Variants in ANO6 observed in about 807,000 individuals in gnomAD.
ANO6 encodes the protein anoctamin-6.
A neutral mutation model predicts 117.5 loss-of-function variants in ANO6; 106 were observed. That is an observed-to-expected ratio of 0.90 (90% CI 0.77 to 1.06). ANO6 has a LOEUF of 1.06. ANO6 is among the 50% of genes least tolerant of loss of function. The probability of loss-of-function intolerance (pLI) is 0.00; values close to 1 mark genes in which losing one functional copy is unlikely to be tolerated. For missense variants in ANO6, 955 were observed against 1,121.1 expected, an observed-to-expected ratio of 0.85 and a Z score of 2.12; for synonymous variants, 367 against 385.1, an observed-to-expected ratio of 0.95 and a Z score of 0.55.
intron 3 of ANO6, among the ~76,000 whole-genome samples, chr12:45,346,353 C>T (rs1198343848): frequency 6.6e-6 from 1 of 152,174 alleles, no homozygotes; most frequent in Non-Finnish European, 1.5e-5. Flanking sequence ...AAAGCCTAGG[C>T]ATCTAGAATT....
intron 19 of ANO6, among the ~76,000 whole-genome samples, chr12:45,426,464 A>C (rs1188602685): frequency 6.6e-6 from 1 of 152,074 alleles, no homozygotes; most frequent in Non-Finnish European, 1.5e-5. Flanking sequence ...TTGCCAGTAC[A>C]TGCTGTCCTC....
intron 8 of ANO6, among the ~76,000 whole-genome samples, chr12:45,362,138 T>C (rs1316605420): frequency 6.6e-6 from 1 of 151,972 alleles, no homozygotes; most frequent in Non-Finnish European, 1.5e-5. Context: ...GCAGGAATTA[T>C]TTTTTTTCTG....
At chr12:45,221,499 T>C (rs1947398360) in intron 1 of ANO6, among the ~76,000 whole-genome samples, 2 of 152,140 alleles carry the variant, frequency 1.3e-5, no homozygotes, top group Admixed American at 1.3e-4. Context: ...CCATACACTT[T>C]AAGGATTTTG....
intron 10 of ANO6, among the ~76,000 whole-genome samples, chr12:45,385,758 C>A (rs932515025): frequency 1.3e-5 from 2 of 152,182 alleles, no homozygotes; most frequent in Non-Finnish European, 2.9e-5. Flanking sequence ...TTCTCAGTAG[C>A]CATCACCCTC....
At chr12:45,386,496 C>T (rs971184415) in intron 10 of ANO6, among the ~76,000 whole-genome samples, 3 of 113,338 alleles carry the variant, frequency 2.6e-5, no homozygotes, top group African/African-American at 1.1e-4. Context: ...TTCTGTCATA[C>T]CTGCATCCAT....
At chr12:45,311,382 G>C (rs945161800) in intron 2 of ANO6, among the ~76,000 whole-genome samples, 6 of 152,012 alleles carry the variant, frequency 3.9e-5, no homozygotes, top group Non-Finnish European at 2.9e-5. Context: ...AATGTCAAAA[G>C]GTTAATGAAA....
intron 1 of ANO6, among the ~76,000 whole-genome samples, chr12:45,300,773 T>G (rs1244817259): frequency 6.6e-6 from 1 of 152,224 alleles, no homozygotes; most frequent in Non-Finnish European, 1.5e-5. Context: ...CAGAACATTT[T>G]CTTACATAGC....
At chr12:45,249,153 A>G (rs1947866774) in intron 1 of ANO6, among the ~76,000 whole-genome samples, 1 of 152,224 alleles carries the variant, frequency 6.6e-6, no homozygotes, top group African/African-American at 2.4e-5. Flanking sequence ...CTGCTGTAAT[A>G]TCCTGGGCCT....
At chr12:45,371,399 C>G (rs975737281) in intron 9 of ANO6, among the ~76,000 whole-genome samples, 10 of 152,228 alleles carry the variant, frequency 6.6e-5, no homozygotes, top group African/African-American at 1.4e-4. Context: ...GGCTCCACCT[C>G]TGGGGGCAGG....
intron 1 of ANO6, among the ~76,000 whole-genome samples, chr12:45,268,350 A>G (rs374694441): frequency 6.6e-6 from 1 of 152,018 alleles, no homozygotes; most frequent in African/African-American, 2.4e-5. Flanking sequence ...GTGAAACCCC[A>G]TCTCTACAAA....
At chr12:45,414,413 C>T (rs1187849528) in intron 16 of ANO6, among the ~76,000 whole-genome samples, 3 of 151,966 alleles carry the variant, frequency 2.0e-5, no homozygotes, top group Admixed American at 2.0e-4. Flanking sequence ...TTTAATCCAT[C>T]TGGAATTTAT....
intron 9 of ANO6, among the ~76,000 whole-genome samples, chr12:45,371,078 C>T (rs1024216509): frequency 1.1e-4 from 16 of 152,190 alleles, no homozygotes; most frequent in African/African-American, 2.9e-4. Flanking sequence ...GTTCCCTTTC[C>T]TAGTCAAAGA....
intron 8 of ANO6, among the ~76,000 whole-genome samples, chr12:45,363,118 T>C (rs946555132): frequency 2.0e-5 from 3 of 152,072 alleles, no homozygotes; most frequent in African/African-American, 7.2e-5. Flanking sequence ...AGATTTCAGA[T>C]TTTTTTCAGA....
rs1173340840 is a variant in ANO6, at chr12:45,357,288, A to G, written c.864-2A>G. The G allele has an allele frequency of 1.2e-6, 2 of 1,613,636 alleles. No homozygotes were observed. The highest frequency in any genetic ancestry group is 1.7e-6 in the Non-Finnish European group (2 of 1,179,928). ...CTAAAAATAATTTCTGTCTTTCTTC[A>G]GGAAATACTATGGAGAGAAGATTGG... On this transcript the variant is annotated splice_acceptor_variant, in intron 7 of 19. Coordinates refer to ENST00000320560, the MANE Select transcript of ANO6 (RefSeq NM_001025356.3). LOFTEE classifies it high-confidence loss of function.
At position 45,430,530 on chromosome 12, in the gene ANO6, G is replaced by C; in HGVS notation, c.*1219G>C. The C allele has an allele frequency of 1.0e-6, 1 of 985,420 alleles. No homozygotes were observed. Among genetic ancestry groups the C allele is most frequent in the African/African-American group, 1.7e-5 (1 of 57,352 alleles). The allele number at this position is 985,420 out of a possible 1,614,324, so 61.0% of individuals were successfully genotyped here. A position where few individuals can be genotyped will look rare whatever the true frequency, so the allele number is the denominator to read the frequency against. ...CTGGGCCCAGTAATTTGATGTAACT[G>C]TCTGATTGTACTAGAGACAGGAGTA... On this transcript the variant is annotated 3_prime_UTR_variant, in exon 20 of 20. Transcript: ENST00000320560.
At chr12:45,333,655 A>G (rs544175070) in intron 3 of ANO6, among the ~76,000 whole-genome samples, 1 of 152,120 alleles carries the variant, frequency 6.6e-6, no homozygotes, top group Admixed American at 6.6e-5. Flanking sequence ...CTTGATGTTC[A>G]TTTTTATAAG....
chr12:45,382,335 A>G (rs1001082355), intron 10 of ANO6, among the ~76,000 whole-genome samples: 3 of 152,234 alleles, frequency 2.0e-5, no homozygotes, highest in Non-Finnish European at 4.4e-5. Flanking sequence ...TAACAGGCTT[A>G]TAAGTACCAG....
At chr12:45,308,303 G>A (rs1939742874) in intron 2 of ANO6, among the ~76,000 whole-genome samples, 1 of 151,986 alleles carries the variant, frequency 6.6e-6, no homozygotes, top group African/African-American at 2.4e-5. Flanking sequence ...TGTAGGGACT[G>A]TTCCTTCTTA....
At position 45,317,691 on chromosome 12, in the gene ANO6, C is replaced by T. The variant is rs988736795; in HGVS notation, c.151-13604C>T. 3.8e-4 allele frequency among the ~76,000 whole-genome samples: 58 copies of T among 152,220 alleles called. 1 individual carries two copies. Among genetic ancestry groups the T allele is most frequent in the Non-Finnish European group, 1.2e-4 (8 of 68,004 alleles). ...TTCTAGTTCTAGATCCCTGAGGAAT[C>T]GCCACACTGACTTCCACAATGGTTG... On this transcript the variant is annotated intron_variant, in intron 2 of 19. Transcript: ENST00000320560.
Sources: gnomAD v4.1 joint callset for allele counts (sites outside exome capture counted in the v4.1 genomes callset) on GRCh38, gnomAD v4.1.1 for gene constraint, MANE v1.5 for transcripts, NCBI Gene and HGNC (gene_info 2026-07-23, HGNC 2026-07-21) for gene names.